The following CPNE4 variants were observed in gnomAD, a reference collection of about 807,000 sequenced individuals.
The protein encoded by CPNE4 is copine 4.
In CPNE4, 25 loss-of-function variants were observed where a neutral mutation model predicts 67.9. The observed-to-expected ratio is 0.37, with a 90% CI of 0.27 to 0.51. CPNE4 has a LOEUF of 0.51. CPNE4 is among the 20% of genes least tolerant of loss of function. The pLI, the probability that CPNE4 is intolerant of heterozygous loss-of-function variation, is 0.93. For missense variants in CPNE4, 464 were observed against 690.8 expected, an observed-to-expected ratio of 0.67 and a Z score of 3.68; for synonymous variants, 242 against 244.9, an observed-to-expected ratio of 0.99 and a Z score of 0.11.
intron 5 of CPNE4, among the ~76,000 whole-genome samples, chr3:131,690,155 A>G (rs1354827476): frequency 2.6e-5 from 4 of 152,152 alleles, no homozygotes; most frequent in African/African-American, 9.6e-5. Flanking sequence ...ACATCAAACT[A>G]TAAACATAGT....
At chr3:131,892,872 A>G (rs890735847) in intron 2 of CPNE4, among the ~76,000 whole-genome samples, 2 of 152,048 alleles carry the variant, frequency 1.3e-5, no homozygotes, top group Non-Finnish European at 2.9e-5. Flanking sequence ...TTAGCACCAC[A>G]GAAAACCAAC....
rs559963974 is a variant in CPNE4 at position 131,817,974 on chromosome 3, A to G, written c.180+87290T>C. 4.1e-4 allele frequency among the ~76,000 whole-genome samples: 63 copies of G among 152,320 alleles called. 2 individuals are homozygous for G. The highest frequency in any genetic ancestry group is 2.0e-3 in the Admixed American group (30 of 15,306). ...CTTAAGCAAGGGGCTGCATTTCAGTATTTAAAAAGTGCACCTTGTGGCTTG... is the reference window on the plus strand; with the variant it reads ...CTTAAGCAAGGGGCTGCATTTCAGTGTTTAAAAAGTGCACCTTGTGGCTTG... On this transcript the variant is annotated intron_variant, in intron 2 of 15. Transcript: ENST00000429747.
intron 2 of CPNE4, among the ~76,000 whole-genome samples, chr3:131,763,084 T>C (rs934547841): frequency 3.9e-5 from 6 of 152,208 alleles, no homozygotes; most frequent in South Asian, 2.1e-4. Flanking sequence ...CTTCCAGATA[T>C]AGTAATTTAT....
Position 131,587,426 on chromosome 3 carries a change from T to C in CPNE4, c.780+58A>G, listed in dbSNP as rs918994056. On this transcript the variant is annotated intron_variant, in intron 8 of 15. Transcript: ENST00000429747. Reference sequence around the variant, plus strand: ...CCTCTTGCTGTTTCATTGGTAGCTGTGTTCTAAGGATGCATCATACCGACT... The same window carrying C: ...CCTCTTGCTGTTTCATTGGTAGCTGCGTTCTAAGGATGCATCATACCGACT... 9 of 1,045,416 alleles carry C rather than the reference T, an allele frequency of 8.6e-6. No individual in the cohort carries two copies. In the Admixed American group the frequency reaches 1.0e-4, roughly 12 times the overall value. 64.8% of individuals were successfully genotyped at this position (1,045,416 alleles called of 1,614,324 possible).
chr3:131,978,079 AT>A (rs1159918093), intron 1 of CPNE4, among the ~76,000 whole-genome samples: 11 of 34,774 alleles, frequency 3.2e-4, no homozygotes, highest in Admixed American at 1.7e-3. Flanking sequence ...ATATATATAA[AT>A]ATATATAAAT....
At chr3:131,945,724 G>C (rs1443500222) in intron 1 of CPNE4, among the ~76,000 whole-genome samples, 3 of 152,048 alleles carry the variant, frequency 2.0e-5, no homozygotes, top group African/African-American at 7.2e-5. Context: ...TTAATCTCTT[G>C]CTTGTCTATT....
rs544038066 is a variant in CPNE4, at chr3:131,653,469, A to G, written c.681+16206T>C. Among the ~76,000 whole-genome samples, 115 of 151,662 alleles carry G rather than the reference A, an allele frequency of 7.6e-4. 1 individual carries two copies. Among genetic ancestry groups the G allele is most frequent in the African/African-American group, 2.7e-3 (111 of 41,358 alleles). On this transcript the variant is annotated intron_variant, in intron 7 of 15. Coordinates refer to ENST00000429747, the MANE Select transcript of CPNE4 (RefSeq NM_130808.3). ...GGCCACTGATACGACTTTTAACCAG[A>G]CCTCCTGCCTCCAGCCTTGCCCTCA...
At chr3:131,887,180 T>C (rs1438701675) in intron 2 of CPNE4, among the ~76,000 whole-genome samples, 1 of 152,178 alleles carries the variant, frequency 6.6e-6, no homozygotes, top group East Asian at 1.9e-4. Context: ...CCCATACTGT[T>C]CTCATGGTAG....
intron 6 of CPNE4, among the ~76,000 whole-genome samples, chr3:131,682,128 C>G (rs1347864935): frequency 6.6e-6 from 1 of 152,028 alleles, no homozygotes; most frequent in African/African-American, 2.4e-5. Flanking sequence ...CAGGATTGGT[C>G]TCTGGTGCTT....
In CPNE4 at chr3:131,581,585, C is replaced by G. The variant is rs2107691884; in HGVS notation, c.861G>C (p.Leu287=). The G allele has an allele frequency of 3.1e-6, 5 of 1,611,104 alleles. No homozygotes were observed. In the South Asian group the frequency reaches 4.4e-5, roughly 14 times the overall value. The change falls in exon 9 of 16, where the codon CTG becomes CTC. Residue 287 remains leucine (L), a synonymous_variant. Coordinates refer to ENST00000429747, the MANE Select transcript of CPNE4 (RefSeq NM_130808.3). ...YKNSGTVILN[L]CKIHKMHSFL... is the part of the protein sequence containing the mutation. ...GAGAGGGTTGTGTACATACCTTGCACAGATTCAGAATCACAGTGCCTGAGT... is the reference window on the plus strand; with the variant it reads ...GAGAGGGTTGTGTACATACCTTGCAGAGATTCAGAATCACAGTGCCTGAGT...
chr3:131,906,788 A>C (rs2088785617), intron 1 of CPNE4, among the ~76,000 whole-genome samples: 1 of 151,826 alleles, frequency 6.6e-6, no homozygotes, highest in South Asian at 2.1e-4. Context: ...TGGCTGGGTC[A>C]AATGGTATTT....
intron 15 of CPNE4, among the ~76,000 whole-genome samples, chr3:131,536,361 C>T (rs1935145324): frequency 6.6e-6 from 1 of 152,160 alleles, no homozygotes; most frequent in African/African-American, 2.4e-5. Context: ...TTACTCCTGG[C>T]TCTGGCATTT....
intron 2 of CPNE4, among the ~76,000 whole-genome samples, chr3:131,749,927 A>C (rs2082583611): frequency 6.6e-6 from 1 of 152,140 alleles, no homozygotes; most frequent in African/African-American, 2.4e-5. Context: ...TTGGAGGCTA[A>C]AAGTCCAAGA....
At chr3:131,580,958 G>A (rs1265452775) in intron 9 of CPNE4, among the ~76,000 whole-genome samples, 2 of 152,126 alleles carry the variant, frequency 1.3e-5, no homozygotes, top group Non-Finnish European at 2.9e-5. Flanking sequence ...CGGATCATGA[G>A]GTCAGGAGAT....
At chr3:131,876,439 G>A (rs1189949229) in intron 2 of CPNE4, among the ~76,000 whole-genome samples, 2 of 151,376 alleles carry the variant, frequency 1.3e-5, no homozygotes, top group Non-Finnish European at 2.9e-5. Flanking sequence ...TCAGGAGATC[G>A]AGACCATCCT....
chr3:131,579,112 AG>A (rs1937630022), intron 9 of CPNE4, among the ~76,000 whole-genome samples: 1 of 152,228 alleles, frequency 6.6e-6, no homozygotes, highest in South Asian at 2.1e-4. Context: ...CTTTCTTATT[AG>A]GGGCCATTGC....
chr3:131,744,909 T>G (rs1253649841), intron 2 of CPNE4, among the ~76,000 whole-genome samples: 1 of 152,210 alleles, frequency 6.6e-6, no homozygotes, highest in African/African-American at 2.4e-5. Flanking sequence ...CTACAGATTT[T>G]CTTGTGATCA....
At chr3:131,570,699 A>G (rs973719773) in intron 10 of CPNE4, among the ~76,000 whole-genome samples, 1 of 152,034 alleles carries the variant, frequency 6.6e-6, no homozygotes, top group African/African-American at 2.4e-5. Context: ...AGGTACAAGG[A>G]CTGTCTTCAG....
At chr3:132,015,578 A>C (rs1190383881) in intron 1 of CPNE4, among the ~76,000 whole-genome samples, 1 of 152,168 alleles carries the variant, frequency 6.6e-6, no homozygotes, top group African/African-American at 2.4e-5. Context: ...TAAACTTTTC[A>C]ATAATCAGTC....
Sources: gnomAD v4.1 joint callset for allele counts (sites outside exome capture counted in the v4.1 genomes callset) on GRCh38, gnomAD v4.1.1 for gene constraint, MANE v1.5 for transcripts, NCBI Gene and HGNC (gene_info 2026-07-23, HGNC 2026-07-21) for gene names.